The following TMEM19 variants were observed in gnomAD, a reference collection of about 807,000 sequenced individuals.
TMEM19 encodes transmembrane protein 19.
A neutral mutation model predicts 33.6 loss-of-function variants in TMEM19; 21 were observed. The observed-to-expected ratio is 0.62, with a 90% CI of 0.44 to 0.90. TMEM19 has a LOEUF of 0.90. Ranked by LOEUF, TMEM19 falls within the 40% of genes least tolerant of loss-of-function variation. The pLI, the probability that TMEM19 is intolerant of heterozygous loss-of-function variation, is 0.00. For missense variants in TMEM19, 402 were observed against 401.8 expected (o/e 1.00, Z 0.00); for synonymous variants, 149 against 147.5 (o/e 1.01, Z -0.07).
In TMEM19 at chr12:71,693,233, A is replaced by G. The variant is rs139431048; in HGVS notation, c.245-3203A>G. Reference sequence around the variant, plus strand: ...TTTTTTAGAGGCAGGGTCTCGCTCTATCACCCAGGCTGTAGTGCAGTGATG... The same window carrying G: ...TTTTTTAGAGGCAGGGTCTCGCTCTGTCACCCAGGCTGTAGTGCAGTGATG... On this transcript the variant is annotated intron_variant, in intron 2 of 5. Coordinates refer to ENST00000266673, the MANE Select transcript of TMEM19 (RefSeq NM_018279.4). Among the ~76,000 whole-genome samples, 348 of 151,726 alleles carry G rather than the reference A, an allele frequency of 2.3e-3. 1 individual carries two copies. Among genetic ancestry groups the G allele is most frequent in the Middle Eastern group, 3.4e-3 (1 of 290 alleles).
chr12:71,690,137 A>G (rs1050611213), intron 2 of TMEM19, among the ~76,000 whole-genome samples: 2 of 152,200 alleles, frequency 1.3e-5, no homozygotes, highest in East Asian at 1.9e-4. Context: ...AGTTGAGAAC[A>G]GGATATGCAT....
chr12:71,692,121 A>G (rs1166228162), intron 2 of TMEM19, among the ~76,000 whole-genome samples: 1 of 152,256 alleles, frequency 6.6e-6, no homozygotes, highest in Non-Finnish European at 1.5e-5. Context: ...ATATTATATG[A>G]GGCAACACAT....
At chr12:71,689,893 A>G (rs1881756211) in intron 2 of TMEM19, among the ~76,000 whole-genome samples, 189 bp downstream of exon 2, 1 of 152,246 alleles carries the variant, frequency 6.6e-6, no homozygotes, top group South Asian at 2.1e-4. Flanking sequence ...GTACACTTTT[A>G]GTGTAACATA....
chr12:71,688,142 C>T (rs184628578), intron 1 of TMEM19, among the ~76,000 whole-genome samples: 120 of 152,238 alleles, frequency 7.9e-4, no homozygotes, highest in African/African-American at 2.8e-3. Context: ...AATCTGTGTA[C>T]GTTTTTGTGT....
chr12:71,688,619 A>T (rs572442749), intron 1 of TMEM19, among the ~76,000 whole-genome samples: 1 of 152,218 alleles, frequency 6.6e-6, no homozygotes, highest in East Asian at 1.9e-4. Context: ...GGCGTTTAGG[A>T]GCCTATCAGG....
intron 2 of TMEM19, among the ~76,000 whole-genome samples, chr12:71,693,064 A>G (rs977261315): frequency 5.3e-5 from 8 of 151,934 alleles, no homozygotes; most frequent in African/African-American, 1.7e-4. Flanking sequence ...GCATGGTGAC[A>G]GGTGCCTGTA....
At chr12:71,700,740 T>TA in intron 5 of TMEM19, 92 bp from the exon 6 acceptor site, 1 of 1,283,630 alleles carries the variant, frequency 7.8e-7, no homozygotes, top group Non-Finnish European at 1.0e-6. Flanking sequence ...CCCTAGAACT[T>TA]AAAGTATAAT....
At position 71,697,459 on chromosome 12, in the gene TMEM19, T is replaced by A. The variant is rs1173748695; in HGVS notation, c.562T>A (p.Trp188Arg). 6.2e-7 allele frequency: 1 copy of A among 1,607,214 alleles called. No individual in the cohort carries two copies. Among genetic ancestry groups the A allele is most frequent in the Admixed American group, 1.7e-5 (1 of 58,514 alleles). Residue 188 changes from tryptophan to arginine, a missense_variant, in exon 4 of 6, where the codon TGG (tryptophan) becomes AGG (arginine). Trp to Arg is a moderately radical substitution (Grantham distance 101, BLOSUM62 -3). Coordinates refer to ENST00000266673, the MANE Select transcript of TMEM19 (RefSeq NM_018279.4). ...ACTGGCCTGCTCTGCTGGAGACACA[T>A]GGGCTTCAGAAGTTGGCCCAGTTCT... Reference protein sequence around the residue: ...AALACSAGDTWASEVGPVLSK... With the variant: ...AALACSAGDTRASEVGPVLSK...
rs1241345258 is a variant in TMEM19 at position 71,700,852 on chromosome 12, A to G, written c.868A>G (p.Met290Val). 2 of 1,608,150 alleles carry G rather than the reference A, an allele frequency of 1.2e-6. No individual in the cohort carries two copies. Among genetic ancestry groups the G allele is most frequent in the Admixed American group, 1.7e-5 (1 of 59,296 alleles). The stretch of plus-strand genomic sequence containing the variant: ...TCCAGGGTTGGATGAAAGCACTGGC[A>G]TGGTGGTCAACAGCCCAACAAATAA... ...QYTGLDESTG[M>V]VVNSPTNKAR... is the part of the protein sequence containing the mutation. The change falls in exon 6 of 6, where the codon ATG (methionine) becomes GTG (valine). Residue 290 changes from methionine (M) to valine (V), a missense_variant. Met to Val is a conservative substitution (Grantham distance 21, BLOSUM62 1). Coordinates refer to ENST00000266673, the MANE Select transcript of TMEM19 (RefSeq NM_018279.4).
Position 71,686,665 on chromosome 12 carries a change from C to G in TMEM19, c.-16C>G. 6.2e-7 allele frequency: 1 copy of G among 1,610,280 alleles called. No homozygotes were observed. Among genetic ancestry groups the G allele is most frequent in the South Asian group, 1.1e-5 (1 of 90,568 alleles). On this transcript the variant is annotated 5_prime_UTR_variant, in exon 1 of 6. The change creates a premature stop within an existing upstream ORF in the 5' untranslated region. Transcript: ENST00000266673. ...CTAAATATTCTTTCCCGCAGGAGCT[C>G]ATATCCTTATTTTCCATGACAGATC...
intron 2 of TMEM19, among the ~76,000 whole-genome samples, chr12:71,693,205 T>A (rs1304526703): frequency 1.3e-5 from 2 of 148,706 alleles, no homozygotes; most frequent in African/African-American, 2.5e-5. Context: ...AAAAAAAAAA[T>A]TTTTTTTTAG....
At chr12:71,690,586 T>C (rs1379175145) in intron 2 of TMEM19, among the ~76,000 whole-genome samples, 1 of 152,080 alleles carries the variant, frequency 6.6e-6, no homozygotes, top group Non-Finnish European at 1.5e-5. Context: ...AGATAGATAA[T>C]AAATAAAATA....
intron 4 of TMEM19, among the ~76,000 whole-genome samples, chr12:71,698,610 AGAGAGAGAGAGAGAGAGAG>A (rs1222404607): frequency 1.2e-3 from 55 of 47,550 alleles, no homozygotes; most frequent in Non-Finnish European, 3.9e-3. Context: ...CTCTGAAAAG[AGAGAGAGAGAGAGAGAGAG>A]AGAGAGAGAG....
intron 5 of TMEM19, 67 bp from the exon 6 acceptor site, chr12:71,700,765 A>G: frequency 7.2e-7 from 1 of 1,395,560 alleles, no homozygotes. Context: ...AAAAAAAAAA[A>G]GAAAGAAAAG....
intron 2 of TMEM19, chr12:71,690,546 A>G (rs780194099): frequency 6.6e-6 from 1 of 152,236 alleles, no homozygotes; most frequent in Admixed American, 6.5e-5. Context: ...ACGTGGTGTC[A>G]GTTCTCATGG....
chr12:71,700,763 AAAG>A (rs1207215946), intron 5 of TMEM19, 66 bp from the exon 6 acceptor site: 27 of 1,423,914 alleles, frequency 1.9e-5, no homozygotes, highest in African/African-American at 8.6e-5. Context: ...AAAAAAAAAA[AAAG>A]AAAGAAAAGA....
chr12:71,692,092 T>C (rs1392738594), intron 2 of TMEM19, among the ~76,000 whole-genome samples: 1 of 152,228 alleles, frequency 6.6e-6, no homozygotes, highest in Admixed American at 6.5e-5. Flanking sequence ...TATGGACTTA[T>C]TGGTAAATCT....
intron 2 of TMEM19, among the ~76,000 whole-genome samples, chr12:71,691,497 A>G (rs768284091): frequency 1.3e-5 from 2 of 149,404 alleles, no homozygotes; most frequent in Non-Finnish European, 3.0e-5. Flanking sequence ...GGCTGGTCGC[A>G]GTGGCTCACA....
At chr12:71,700,232 C>A (rs1394984603) in intron 5 of TMEM19, among the ~76,000 whole-genome samples, 1 of 152,204 alleles carries the variant, frequency 6.6e-6, no homozygotes, top group African/African-American at 2.4e-5. Context: ...AGACAGTAAA[C>A]ATGTTTTTTA....
Sources: allele counts gnomAD v4.1 joint callset (sites outside exome capture counted in the v4.1 genomes callset), GRCh38; gene constraint gnomAD v4.1.1; transcripts MANE v1.5; gene names NCBI Gene and HGNC (gene_info 2026-07-23, HGNC 2026-07-21).